SKAP1: variants seen among roughly 807,000 people sequenced by gnomAD.
The protein encoded by SKAP1 is src kinase-associated phosphoprotein 1.
In SKAP1, 44 loss-of-function variants were observed where a neutral mutation model predicts 58.5. The ratio of observed to expected loss-of-function variants is 0.75; its 90% CI spans 0.59 to 0.97. The LOEUF (loss-of-function observed/expected upper bound fraction) is 0.97, where lower values mean the gene tolerates loss of function less well. Ranked by LOEUF, SKAP1 falls within the 50% of genes least tolerant of loss-of-function variation. SKAP1 has a pLI of 0.00. For synonymous variants in SKAP1, 127 were observed against 149.7 expected (o/e 0.85, Z 1.11); for missense variants, 390 against 435.2 (o/e 0.90, Z 0.92).
chr17:48,190,990 A>T (rs1168980343), intron 4 of SKAP1, among the ~76,000 whole-genome samples: 1 of 152,258 alleles, frequency 6.6e-6, no homozygotes, highest in Non-Finnish European at 1.5e-5. Context: ...GTCTCAAAAC[A>T]AAACAAACAA....
chr17:48,341,408 A>G (rs1320584946), intron 4 of SKAP1, among the ~76,000 whole-genome samples: 1 of 152,170 alleles, frequency 6.6e-6, no homozygotes, highest in Non-Finnish European at 1.5e-5. Context: ...TGATCAACAA[A>G]ATCTAGTCTA....
At chr17:48,199,091 G>A (rs976773801) in intron 4 of SKAP1, among the ~76,000 whole-genome samples, 1 of 152,102 alleles carries the variant, frequency 6.6e-6, no homozygotes, top group Non-Finnish European at 1.5e-5. Flanking sequence ...TATTTACTAT[G>A]CCACTGGACT....
At chr17:48,211,555 G>C (rs2064873482) in intron 4 of SKAP1, among the ~76,000 whole-genome samples, 1 of 152,118 alleles carries the variant, frequency 6.6e-6, no homozygotes, top group African/African-American at 2.4e-5. Flanking sequence ...ATATATGATG[G>C]CTTCTTCCTC....
Position 48,136,174 on chromosome 17 carries a change from CTCTT to C in SKAP1, c.*7+1051_*7+1054del, listed in dbSNP as rs1408183206. ...AAAGGAAGAGGGTATGCTTTTCTCT[CTCTT>C]TTTTTTTTTTCTCAAGACAGTCTTG... On this transcript the variant is annotated intron_variant, in intron 12 of 12. Transcript: ENST00000336915. 4.9e-4 allele frequency among the ~76,000 whole-genome samples: 74 copies of C among 150,720 alleles called. 1 individual carries two copies. The highest frequency in any genetic ancestry group is 1.6e-3 in the African/African-American group (66 of 40,686).
intron 11 of SKAP1, among the ~76,000 whole-genome samples, chr17:48,148,001 C>G (rs1415898079): frequency 1.3e-5 from 2 of 151,962 alleles, no homozygotes; most frequent in Non-Finnish European, 2.9e-5. Flanking sequence ...GACAACTCCA[C>G]AAAGCGCACC....
At chr17:48,188,869 A>G (rs1244570138) in intron 5 of SKAP1, among the ~76,000 whole-genome samples, 1 of 152,104 alleles carries the variant, frequency 6.6e-6, no homozygotes, top group Admixed American at 6.6e-5. Flanking sequence ...GCATGGTGGC[A>G]CGCACCTGTA....
chr17:48,429,380 T>C (rs2067888392), intron 1 of SKAP1, among the ~76,000 whole-genome samples: 2 of 152,192 alleles, frequency 1.3e-5, no homozygotes, highest in Non-Finnish European at 2.9e-5. Context: ...TGGCCGGAAC[T>C]CTTTAAACCA....
intron 4 of SKAP1, among the ~76,000 whole-genome samples, chr17:48,234,456 G>A (rs1433087316): frequency 6.6e-6 from 1 of 152,154 alleles, no homozygotes; most frequent in African/African-American, 2.4e-5. Context: ...ATTGGTACAG[G>A]GCTAGACATG....
At chr17:48,196,687 T>C (rs979897173) in intron 4 of SKAP1, 1 of 152,244 alleles carries the variant, frequency 6.6e-6, no homozygotes. Flanking sequence ...TTCAAAAACA[T>C]GGAATGCTTC....
chr17:48,250,608 T>G (rs113692251), intron 4 of SKAP1, among the ~76,000 whole-genome samples: 323 of 152,196 alleles, frequency 2.1e-3, no homozygotes, highest in African/African-American at 7.5e-3. Flanking sequence ...GCTGCCCCTT[T>G]CATCAGTCGA....
At chr17:48,390,267 G>A (rs2067328893) in intron 2 of SKAP1, among the ~76,000 whole-genome samples, 1 of 152,180 alleles carries the variant, frequency 6.6e-6, no homozygotes, top group African/African-American at 2.4e-5. Flanking sequence ...TAAATACAGA[G>A]AGGCCTTTTT....
intron 4 of SKAP1, among the ~76,000 whole-genome samples, chr17:48,343,577 A>C (rs927727488): frequency 6.6e-6 from 1 of 152,198 alleles, no homozygotes; most frequent in African/African-American, 2.4e-5. Flanking sequence ...AGAACTAAAA[A>C]CAAAAATTTA....
At chr17:48,375,120 T>C (rs1454878733) in intron 2 of SKAP1, among the ~76,000 whole-genome samples, 3 of 152,226 alleles carry the variant, frequency 2.0e-5, no homozygotes, top group Non-Finnish European at 4.4e-5. Flanking sequence ...AACTCAATTA[T>C]GTAATAGAAG....
intron 4 of SKAP1, among the ~76,000 whole-genome samples, chr17:48,287,178 T>C (rs1395582528): frequency 6.6e-6 from 1 of 151,952 alleles, no homozygotes; most frequent in African/African-American, 2.4e-5. Flanking sequence ...TTATCAAAGT[T>C]ATTTGGCAAA....
chr17:48,179,063 T>C (rs2064332942), intron 9 of SKAP1, among the ~76,000 whole-genome samples: 1 of 152,224 alleles, frequency 6.6e-6, no homozygotes, highest in African/African-American at 2.4e-5. Flanking sequence ...GCAAGTTGCC[T>C]ACTGATGATG....
intron 4 of SKAP1, among the ~76,000 whole-genome samples, chr17:48,254,399 G>C (rs1306550605): frequency 1.3e-5 from 2 of 151,942 alleles, no homozygotes; most frequent in African/African-American, 4.8e-5. Context: ...TCTAAATCTT[G>C]CCTTCCACAT....
chr17:48,269,062 C>T (rs1005145502), intron 4 of SKAP1, among the ~76,000 whole-genome samples: 33 of 151,666 alleles, frequency 2.2e-4, no homozygotes, highest in African/African-American at 7.0e-4. Flanking sequence ...ATAAATAATG[C>T]ACCACAAGTA....
chr17:48,157,401 A>G (rs183803150), intron 11 of SKAP1, among the ~76,000 whole-genome samples: 2,200 of 152,054 alleles, frequency 0.014, 31 homozygotes, highest in Non-Finnish European at 0.018. Context: ...ACACCCAGCT[A>G]ATTTTTGTAT....
intron 11 of SKAP1, among the ~76,000 whole-genome samples, chr17:48,155,067 C>CA (rs142211653): frequency 1.3e-3 from 164 of 128,794 alleles, no homozygotes; most frequent in Middle Eastern, 4.2e-3. Context: ...GACTCTGTCT[C>CA]AAAAAAAAAA....
Sources: gnomAD v4.1 joint callset for allele counts (sites outside exome capture counted in the v4.1 genomes callset) on GRCh38, gnomAD v4.1.1 for gene constraint, MANE v1.5 for transcripts, NCBI Gene and HGNC (gene_info 2026-07-23, HGNC 2026-07-21) for gene names.